KANK2: variants seen among roughly 807,000 people sequenced by gnomAD.
KANK2 encodes the protein KN motif and ankyrin repeat domain-containing protein 2.
A neutral mutation model predicts 74.6 loss-of-function variants in KANK2; 41 were observed. That is an observed-to-expected ratio of 0.55 (90% CI 0.43 to 0.71). The LOEUF (loss-of-function observed/expected upper bound fraction) is 0.71, where lower values mean the gene tolerates loss of function less well. Among genes scored for constraint, KANK2 ranks in the 30% least tolerant of loss-of-function variants. KANK2 has a pLI of 0.00. For missense variants in KANK2, 1,148 were observed against 1,196.4 expected (o/e 0.96, Z 0.60); for synonymous variants, 537 against 519.0 (o/e 1.03, Z -0.47).
At chr19:11,187,517 G>C (rs1202082122) in intron 4 of KANK2, among the ~76,000 whole-genome samples, 1 of 152,136 alleles carries the variant, frequency 6.6e-6, no homozygotes, top group Non-Finnish European at 1.5e-5. Flanking sequence ...CACTGACGGT[G>C]GAGAGCGGAG....
At position 11,178,542 on chromosome 19, in the gene KANK2, C is replaced by T. The variant is rs745705364; in HGVS notation, c.1417+11G>A. 36 of 1,603,128 alleles carry T rather than the reference C, an allele frequency of 2.2e-5. No homozygotes were observed. The South Asian group carries it at 3.4e-4, about 15-fold the overall frequency. ...GTGCCCCGTCCCTCTTGGCGGCCACCCACCACTTACCGGTGCCCCCGGCCT... is the reference window on the plus strand; with the variant it reads ...GTGCCCCGTCCCTCTTGGCGGCCACTCACCACTTACCGGTGCCCCCGGCCT... On this transcript the variant is annotated intron_variant, in intron 5 of 12. Coordinates refer to ENST00000586659, the MANE Select transcript of KANK2 (RefSeq NM_001136191.3).
intron 1 of KANK2, chr19:11,196,119 CGCGATCTCA>C (rs1339993442): frequency 6.7e-6 from 1 of 149,576 alleles, no homozygotes; most frequent in Non-Finnish European, 1.4e-5. Flanking sequence ...AGTGCAATGG[CGCGATCTCA>C]GCTCACGGCA....
chr19:11,176,003 A>G lies in KANK2; in HGVS notation c.1761-14T>C. 1.2e-6 allele frequency: 2 copies of G among 1,609,628 alleles called. No individual in the cohort carries two copies. Among genetic ancestry groups the G allele is most frequent in the Non-Finnish European group, 1.7e-6 (2 of 1,176,888 alleles). On this transcript the variant is annotated splice_polypyrimidine_tract_variant and intron_variant, in intron 7 of 12. Transcript: ENST00000586659. ...CTTAGCTCCATCCTGCCAGGAACAGACAAAGCGGGGAACTAAGTAAGCCCC... is the reference window on the plus strand; with the variant it reads ...CTTAGCTCCATCCTGCCAGGAACAGGCAAAGCGGGGAACTAAGTAAGCCCC...
intron 4 of KANK2, among the ~76,000 whole-genome samples, chr19:11,188,549 G>A (rs923322540): frequency 3.3e-4 from 49 of 150,394 alleles, no homozygotes; most frequent in Admixed American, 2.1e-3. Flanking sequence ...GGCTGGGTGC[G>A]GTAGCTCATT....
chr19:11,178,454 G>A lies in KANK2; in HGVS notation c.1418-7C>T, dbSNP rs753499942. ...ACGCCTGCCGGGGGCCCGCCTGGAG[G>A]GGAGGACAGCGGAGGTGCTGTGAGA... is the stretch of plus-strand genomic sequence containing the variant. On this transcript the variant is annotated splice_polypyrimidine_tract_variant and splice_region_variant and intron_variant, in intron 5 of 12. Coordinates refer to ENST00000586659, the MANE Select transcript of KANK2 (RefSeq NM_001136191.3). 5.6e-6 allele frequency: 9 copies of A among 1,600,442 alleles called. No individual in the cohort carries two copies. The highest frequency in any genetic ancestry group is 6.8e-6 in the Non-Finnish European group (8 of 1,175,024).
intron 4 of KANK2, among the ~76,000 whole-genome samples, chr19:11,188,605 A>G (rs114068286): frequency 0.016 from 2,448 of 150,474 alleles, 87 homozygotes; most frequent in African/African-American, 0.056. Flanking sequence ...TGCTTATCTC[A>G]GGGCCTTTGT....
upstream of KANK2, chr19:11,197,759 C>G (rs941912058): frequency 2.6e-5 from 4 of 151,762 alleles, no homozygotes; most frequent in Non-Finnish European, 4.4e-5. Flanking sequence ...TCCTTCCTTC[C>G]TCCCTAAGTC....
chr19:11,194,173 T>C (rs1274276906), intron 3 of KANK2, 131 bp from the exon 4 acceptor site: 4 of 992,038 alleles, frequency 4.0e-6, no homozygotes, highest in Non-Finnish European at 5.8e-6. Context: ...CAACCGCGTC[T>C]GCTCTCAGAC....
intron 10 of KANK2, among the ~76,000 whole-genome samples, chr19:11,171,528 C>CTT (rs113234764): frequency 1.3e-5 from 1 of 76,708 alleles, no homozygotes; most frequent in African/African-American, 3.9e-5. Flanking sequence ...ATTTCACCTT[C>CTT]TTTTTTTTTT....
rs367702768 is a variant in KANK2 at position 11,184,842 on chromosome 19, G to A, written c.1250-6122C>T. 7.5e-5 allele frequency among the ~76,000 whole-genome samples: 11 copies of A among 146,162 alleles called. No individual in the cohort carries two copies. In the East Asian group the frequency reaches 2.0e-3, roughly 26 times the overall value. ...TTTTTTTTTTTTGAGATGAAGTCTC[G>A]CTCTTGTTGCCCAGGCTGGAGGGCA... On this transcript the variant is annotated intron_variant, in intron 4 of 12. Coordinates refer to ENST00000586659, the MANE Select transcript of KANK2 (RefSeq NM_001136191.3).
intron 9 of KANK2, among the ~76,000 whole-genome samples, chr19:11,173,329 G>A (rs1029021304): frequency 6.6e-6 from 1 of 152,148 alleles, no homozygotes; most frequent in African/African-American, 2.4e-5. Context: ...CATCAGATTT[G>A]GGGCCCCTGA....
chr19:11,167,961 A>C (rs2078068260), intron 12 of KANK2, among the ~76,000 whole-genome samples: 1 of 149,218 alleles, frequency 6.7e-6, no homozygotes, highest in Middle Eastern at 3.2e-3. Context: ...CTCTTCTCTG[A>C]GGGACTCCAA....
chr19:11,189,106 C>CT (rs1555819504), intron 4 of KANK2, among the ~76,000 whole-genome samples: 11 of 140,050 alleles, frequency 7.9e-5, no homozygotes, highest in Non-Finnish European at 1.5e-4. Flanking sequence ...TCTCCCCCCC[C>CT]ACCCCCGCCC....
intron 6 of KANK2, 31 bp downstream of exon 6, chr19:11,178,314 T>C: frequency 1.7e-5 from 10 of 594,694 alleles, no homozygotes; most frequent in Middle Eastern, 6.6e-4. Flanking sequence ...GCGGGAAGTA[T>C]GGGGTGGGGG....
chr19:11,197,722 G>A (rs1885617847), upstream of KANK2: 2 of 151,980 alleles, frequency 1.3e-5, no homozygotes, highest in South Asian at 4.1e-4. Context: ...CAGCAGGTGT[G>A]TGTGCGCGCC....
chr19:11,171,155 G>C (rs533711975), intron 10 of KANK2, among the ~76,000 whole-genome samples: 41 of 152,182 alleles, frequency 2.7e-4, no homozygotes, highest in Non-Finnish European at 4.7e-4. Context: ...CTGGCACTTT[G>C]GGAGGCCGAG....
chr19:11,173,840 AGG>A (rs1019218897), intron 9 of KANK2, among the ~76,000 whole-genome samples: 3 of 152,004 alleles, frequency 2.0e-5, no homozygotes, highest in African/African-American at 7.2e-5. Flanking sequence ...TCATTAGACT[AGG>A]AGGGTGGTGT....
intron 4 of KANK2, among the ~76,000 whole-genome samples, chr19:11,182,609 C>T (rs1185603844): frequency 6.6e-6 from 1 of 150,874 alleles, no homozygotes; most frequent in East Asian, 1.9e-4. Flanking sequence ...TTTGGGAGGC[C>T]AAGGCAGGCC....
At chr19:11,183,305 T>C (rs144478834) in intron 4 of KANK2, among the ~76,000 whole-genome samples, 1 of 152,174 alleles carries the variant, frequency 6.6e-6, no homozygotes, top group Non-Finnish European at 1.5e-5. Flanking sequence ...TGGGAGACGG[T>C]GGATTCTGTG....
Sources: allele counts gnomAD v4.1 joint callset (sites outside exome capture counted in the v4.1 genomes callset), GRCh38; gene constraint gnomAD v4.1.1; transcripts MANE v1.5; gene names NCBI Gene and HGNC (gene_info 2026-07-23, HGNC 2026-07-21).